MAPKBP1: variants seen among roughly 807,000 people sequenced by gnomAD.
The protein encoded by MAPKBP1 is mitogen-activated protein kinase-binding protein 1.
Under a neutral mutation model 170.5 loss-of-function variants are expected in MAPKBP1, and 71 were observed. That is an observed-to-expected ratio of 0.42 (90% CI 0.34 to 0.51). MAPKBP1 has a LOEUF of 0.51. Among genes scored for constraint, MAPKBP1 ranks in the 20% least tolerant of loss-of-function variants. The pLI is 0.06. For synonymous variants in MAPKBP1, 719 were observed against 757.9 expected (o/e 0.95, Z 0.84); for missense variants, 1,598 against 1,933.0 (o/e 0.83, Z 3.25).
intron 2 of MAPKBP1, among the ~76,000 whole-genome samples, chr15:41,792,661 G>A (rs564853013): frequency 6.6e-6 from 1 of 152,344 alleles, no homozygotes; most frequent in South Asian, 2.1e-4. Context: ...TGTGTCCCAA[G>A]TCACTGCCCA....
chr15:41,814,808 T>C, intron 10 of MAPKBP1, 69 bp downstream of exon 10: 1 of 1,546,492 alleles, frequency 6.5e-7, no homozygotes, highest in Admixed American at 1.7e-5. Context: ...GGACAGAAAA[T>C]AGGGATCCCC....
rs776463443 is a variant in MAPKBP1, at chr15:41,825,373, G to A, written c.4464G>A (p.Leu1488=). ...TGGGAGCCGAGCAGACACAGGCCCT[G>A]CTGGAGCAATACTCAGAACTGTTGC... ...GAVGAEQTQA[L]LEQYSELLLR... is the part of the protein sequence containing the mutation. The change falls in exon 31 of 31, where the codon CTG becomes CTA. Residue 1488 remains leucine (L), a synonymous_variant. Transcript: ENST00000457542. 5.6e-6 allele frequency: 9 copies of A among 1,613,408 alleles called. No individual in the cohort carries two copies. In the Middle Eastern group the frequency reaches 4.9e-4, roughly 88 times the overall value.
chr15:41,808,088 A>G (rs2064731971), intron 3 of MAPKBP1, among the ~76,000 whole-genome samples: 1 of 143,882 alleles, frequency 7.0e-6, no homozygotes, highest in East Asian at 2.2e-4. Context: ...AACTCTTATA[A>G]TTTTCTTTCT....
At chr15:41,819,776 T>C in intron 22 of MAPKBP1, 126 bp downstream of exon 22, 2 of 980,450 alleles carry the variant, frequency 2.0e-6, no homozygotes, top group Non-Finnish European at 3.0e-6. Flanking sequence ...CACTCGTGTG[T>C]CCAAGGAAGG....
chr15:41,824,627 C>T (rs944087768), intron 30 of MAPKBP1, 58 bp downstream of exon 30: 14 of 1,465,102 alleles, frequency 9.6e-6, no homozygotes, highest in East Asian at 2.5e-5. Context: ...CTGGGTGTTT[C>T]GGATAACCAT....
chr15:41,813,283 C>T, intron 8 of MAPKBP1, 182 bp downstream of exon 8: 1 of 1,525,890 alleles, frequency 6.6e-7, no homozygotes, highest in Non-Finnish European at 9.1e-7. Context: ...TAACTGCCTC[C>T]TCTCTGCTCT....
chr15:41,812,578 G>A lies in MAPKBP1; in HGVS notation c.561G>A (p.Glu187=). The part of the protein sequence containing the change: ...SSRVTAVSFS[E]DCSYFVTAGN... ...GGGTGACAGCAGTGTCCTTCTCTGA[G>A]GATTGCAGCTACTTTGTCACTGCAG... is the stretch of plus-strand genomic sequence containing the variant. The change falls in exon 7 of 31, where the codon GAG becomes GAA. Residue 187 remains glutamate, a synonymous_variant. Transcript: ENST00000457542. The A allele has an allele frequency of 6.2e-7, 1 of 1,614,116 alleles. No individual in the cohort carries two copies. Among genetic ancestry groups the A allele is most frequent in the Non-Finnish European group, 8.5e-7 (1 of 1,180,004 alleles).
intron 2 of MAPKBP1, among the ~76,000 whole-genome samples, chr15:41,790,499 G>A (rs1012848065): frequency 6.6e-6 from 1 of 152,204 alleles, no homozygotes; most frequent in Non-Finnish European, 1.5e-5. Context: ...GTCCCCAGGG[G>A]CTGTGGCTAG....
rs1290646298 is a variant in MAPKBP1 at position 41,775,259 on chromosome 15, A to G, written c.-17A>G. The G allele has an allele frequency of 6.2e-7, 1 of 1,607,136 alleles. No individual in the cohort carries two copies. Among genetic ancestry groups the G allele is most frequent in the Non-Finnish European group, 8.5e-7 (1 of 1,173,670 alleles). On this transcript the variant is annotated 5_prime_UTR_variant, in exon 2 of 31. Coordinates refer to ENST00000457542, the MANE Select transcript of MAPKBP1 (RefSeq NM_014994.3). ...CAGGACTGGGCCGGGGACTGTCCCAAAGGGTTTCTCGTCATAATGGCTGTG... is the reference window on the plus strand; with the variant it reads ...CAGGACTGGGCCGGGGACTGTCCCAGAGGGTTTCTCGTCATAATGGCTGTG...
At position 41,775,487 on chromosome 15, in the gene MAPKBP1, C is replaced by T. The variant is rs1178947684; in HGVS notation, c.114+98C>T. On this transcript the variant is annotated intron_variant, in intron 2 of 30. Coordinates refer to ENST00000457542, the MANE Select transcript of MAPKBP1 (RefSeq NM_014994.3). Reference sequence around the variant, plus strand: ...TTTCTTGGGAAAGATAACTAGAAGCCCTTGTTGACTCTAAAGGATCACATA... The same window carrying T: ...TTTCTTGGGAAAGATAACTAGAAGCTCTTGTTGACTCTAAAGGATCACATA... The T allele has an allele frequency of 1.0e-5, 9 of 869,412 alleles. No individual in the cohort carries two copies. The South Asian group carries it at 1.3e-4, about 13-fold the overall frequency. 53.9% of individuals were successfully genotyped at this position (869,412 alleles called of 1,614,324 possible).
intron 5 of MAPKBP1, 151 bp from the exon 6 acceptor site, chr15:41,811,806 A>C: frequency 1.3e-6 from 1 of 783,874 alleles, no homozygotes; most frequent in Non-Finnish European, 2.2e-6. Flanking sequence ...GATCTTTATC[A>C]TATTTCCTCT....
Position 41,818,154 on chromosome 15 carries a change from C to T in MAPKBP1, c.1981-40C>T. 1 of 1,604,984 alleles carries T rather than the reference C, an allele frequency of 6.2e-7. No homozygotes were observed. Among genetic ancestry groups the T allele is most frequent in the East Asian group, 2.2e-5 (1 of 44,830 alleles). ...TGGTGCTGGGTGGGAGGGACTGGTA[C>T]TTCCCATGTCCTCCAGCTGCACACC... On this transcript the variant is annotated intron_variant, in intron 17 of 30. Coordinates refer to ENST00000457542, the MANE Select transcript of MAPKBP1 (RefSeq NM_014994.3). The surrounding 1 kb of genome is among the most constrained non-coding windows in gnomAD (Gnocchi z 5.2).
At chr15:41,807,038 A>G (rs1309381442) in intron 3 of MAPKBP1, among the ~76,000 whole-genome samples, 1 of 152,168 alleles carries the variant, frequency 6.6e-6, no homozygotes, top group African/African-American at 2.4e-5. Context: ...TCCAAATATC[A>G]ATAATTAGAA....
intron 29 of MAPKBP1, 24 bp from the exon 30 acceptor site, chr15:41,824,460 C>T: frequency 1.3e-6 from 2 of 1,566,728 alleles, no homozygotes; most frequent in Non-Finnish European, 8.7e-7. Flanking sequence ...CTGGGCCTCA[C>T]TGAGCTGTAT....
intron 29 of MAPKBP1, among the ~76,000 whole-genome samples, 175 bp from the exon 30 acceptor site, chr15:41,824,309 C>T (rs2065052214): frequency 6.6e-6 from 1 of 152,190 alleles, no homozygotes; most frequent in South Asian, 2.1e-4. Context: ...CTCCTCTGGA[C>T]CTTGTTTGTG....
chr15:41,805,122 A>G (rs1596080797), intron 3 of MAPKBP1, among the ~76,000 whole-genome samples: 1 of 152,332 alleles, frequency 6.6e-6, no homozygotes, highest in African/African-American at 2.4e-5. Context: ...CCGGAGGCGA[A>G]TATCAAACCA....
At chr15:41,812,364 G>A in intron 6 of MAPKBP1, 152 bp from the exon 7 acceptor site, 2 of 1,216,962 alleles carry the variant, frequency 1.6e-6, no homozygotes. Context: ...TCTAGAAAGG[G>A]ATTATTTCCC....
chr15:41,811,397 C>T (rs2064803471), intron 5 of MAPKBP1, 162 bp downstream of exon 5: 1 of 758,940 alleles, frequency 1.3e-6, no homozygotes, highest in Admixed American at 2.0e-5. Flanking sequence ...CTTTAGTGTA[C>T]ATCAGAATCA....
chr15:41,813,457 T>G, intron 8 of MAPKBP1, 164 bp from the exon 9 acceptor site: 1 of 1,437,578 alleles, frequency 7.0e-7, no homozygotes, highest in Non-Finnish European at 9.7e-7. Flanking sequence ...TCCTAATCCC[T>G]GGCTGGACAG....
Sources: gnomAD v4.1 joint callset for allele counts (sites outside exome capture counted in the v4.1 genomes callset) on GRCh38, gnomAD v4.1.1 for gene constraint, Gnocchi (gnomAD v3.1) non-coding constraint, MANE v1.5 for transcripts, NCBI Gene and HGNC (gene_info 2026-07-23, HGNC 2026-07-21) for gene names.